The following RAB6A variants were observed in gnomAD, a reference collection of about 807,000 sequenced individuals.
RAB6A encodes the protein ras-related protein Rab-6A.
In RAB6A, 8 loss-of-function variants were observed where a neutral mutation model predicts 32.3. The ratio of observed to expected loss-of-function variants is 0.25; its 90% CI spans 0.15 to 0.45. RAB6A has a LOEUF of 0.45. Ranked by LOEUF, RAB6A falls within the 20% of genes least tolerant of loss-of-function variation. The pLI, the probability that RAB6A is intolerant of heterozygous loss-of-function variation, is 1.00. For missense variants in RAB6A, 104 were observed against 249.4 expected, an observed-to-expected ratio of 0.42 and a Z score of 3.93; for synonymous variants, 73 against 82.1, an observed-to-expected ratio of 0.89 and a Z score of 0.60.
At chr11:73,708,919 A>G (rs1399152881) in intron 5 of RAB6A, among the ~76,000 whole-genome samples, 5 of 152,230 alleles carry the variant, frequency 3.3e-5, no homozygotes, top group African/African-American at 1.2e-4. Context: ...TTATTATTCT[A>G]GAATTCTCCA....
chr11:73,742,275 C>G (rs1037345790), intron 1 of RAB6A, among the ~76,000 whole-genome samples: 1 of 151,880 alleles, frequency 6.6e-6, no homozygotes, highest in Non-Finnish European at 1.5e-5. Flanking sequence ...GAGCGAGACT[C>G]TGTCTCAAAA....
rs1945867453 is a variant in RAB6A at position 73,707,526 on chromosome 11, A to C, written c.402-13T>G. The C allele has an allele frequency of 2.5e-6, 4 of 1,569,108 alleles. No individual in the cohort carries two copies. The highest frequency in any genetic ancestry group is 3.5e-6 in the Non-Finnish European group (4 of 1,140,352). ...AATTGACACTTGCCTGTAAAGAAACAAACAAACTTCTTACTTTTGAGACAT... is the reference window on the plus strand; with the variant it reads ...AATTGACACTTGCCTGTAAAGAAACCAACAAACTTCTTACTTTTGAGACAT... On this transcript the variant is annotated splice_polypyrimidine_tract_variant and intron_variant, in intron 5 of 7. Coordinates refer to ENST00000336083, the MANE Select transcript of RAB6A (RefSeq NM_198896.2).
chr11:73,708,623 G>A (rs1945889287), intron 5 of RAB6A, among the ~76,000 whole-genome samples: 2 of 152,160 alleles, frequency 1.3e-5, no homozygotes, highest in South Asian at 4.1e-4. Context: ...GATCTCAAGT[G>A]CAAGATTATG....
intron 1 of RAB6A, among the ~76,000 whole-genome samples, chr11:73,748,930 G>A (rs1317029441): frequency 6.6e-6 from 1 of 151,980 alleles, no homozygotes; most frequent in Admixed American, 6.6e-5. Flanking sequence ...TTCAAGACCA[G>A]CCTGGCCAAT....
rs34665371 is a variant in RAB6A, at chr11:73,724,484, GT to G, written c.130-3586del. Among the ~76,000 whole-genome samples the G allele has an allele frequency of 1.6e-3, 193 of 123,340 alleles. 1 individual carries two copies. Among genetic ancestry groups the G allele is most frequent in the Middle Eastern group, 4.5e-3 (1 of 222 alleles). The allele number at this position is 123,340 out of a possible 152,430, so 80.9% of individuals were successfully genotyped here. The stretch of plus-strand genomic sequence containing the variant: ...GATCATGTTTTCCTAAATGCATTTC[GT>G]TTTTTTTTTTTTTTTTTTGAGACGG... On this transcript the variant is annotated intron_variant, in intron 2 of 7. Coordinates refer to ENST00000336083, the MANE Select transcript of RAB6A (RefSeq NM_198896.2).
chr11:73,722,058 T>TATATATATATA (rs1270436615), intron 2 of RAB6A, among the ~76,000 whole-genome samples: 8 of 147,750 alleles, frequency 5.4e-5, no homozygotes, highest in Middle Eastern at 3.5e-3. Flanking sequence ...TCTGCCATGA[T>TATATATATATA]TGTAAGTTTC....
intron 1 of RAB6A, among the ~76,000 whole-genome samples, chr11:73,748,820 T>C (rs1248652210): frequency 6.6e-6 from 1 of 152,136 alleles, no homozygotes; most frequent in Non-Finnish European, 1.5e-5. Flanking sequence ...CTACCAAAGC[T>C]AACTTTAAAA....
chr11:73,741,619 G>A (rs905008493), intron 1 of RAB6A, among the ~76,000 whole-genome samples: 1 of 151,912 alleles, frequency 6.6e-6, no homozygotes, highest in Non-Finnish European at 1.5e-5. Flanking sequence ...TCCTTCAGTA[G>A]GTGAATGGAT....
intron 1 of RAB6A, among the ~76,000 whole-genome samples, chr11:73,740,118 T>C (rs1946471480): frequency 1.3e-5 from 2 of 151,982 alleles, no homozygotes; most frequent in Admixed American, 1.3e-4. Flanking sequence ...ATAACTATGA[T>C]AAATTCTGAC....
chr11:73,731,008 C>T (rs1254154959), intron 1 of RAB6A, among the ~76,000 whole-genome samples, 185 bp from the exon 2 acceptor site: 1 of 152,206 alleles, frequency 6.6e-6, no homozygotes, highest in East Asian at 1.9e-4. Flanking sequence ...AGACAACCAT[C>T]TCCCAATTTA....
At chr11:73,759,965 T>G in intron 1 of RAB6A, 6 of 951,176 alleles carry the variant, frequency 6.3e-6, no homozygotes, top group Non-Finnish European at 8.8e-6. Flanking sequence ...TCGTCTCCAA[T>G]TCAGATGTTT....
chr11:73,733,271 A>C (rs1158249947), intron 1 of RAB6A, among the ~76,000 whole-genome samples: 1 of 152,142 alleles, frequency 6.6e-6, no homozygotes, highest in East Asian at 1.9e-4. Flanking sequence ...ATTTTAGGCC[A>C]GGCGCGGTGG....
At chr11:73,726,286 A>G (rs2134964030) in intron 2 of RAB6A, among the ~76,000 whole-genome samples, 1 of 144,742 alleles carries the variant, frequency 6.9e-6, no homozygotes, top group South Asian at 2.2e-4. Flanking sequence ...CTCCGTCTCA[A>G]AAAAAAAAAA....
chr11:73,742,888 A>G (rs1946520890), intron 1 of RAB6A, among the ~76,000 whole-genome samples: 1 of 152,178 alleles, frequency 6.6e-6, no homozygotes, highest in Non-Finnish European at 1.5e-5. Context: ...AATGCTAGGA[A>G]ATAAGGAGGT....
At chr11:73,699,114 A>G (rs1489965240) in intron 6 of RAB6A, among the ~76,000 whole-genome samples, 2 of 152,128 alleles carry the variant, frequency 1.3e-5, no homozygotes, top group Admixed American at 6.5e-5. Flanking sequence ...TGGCCTCCCA[A>G]GGTGCTGGGA....
chr11:73,726,700 A>G (rs1370017655), intron 2 of RAB6A, among the ~76,000 whole-genome samples: 2 of 150,944 alleles, frequency 1.3e-5, no homozygotes, highest in African/African-American at 4.9e-5. Flanking sequence ...CAGTGAGTCA[A>G]GATCACACCA....
rs946726366 is a variant in RAB6A, at chr11:73,676,628, C to T, written c.*1270G>A. ...CTGAAAGACCCAACCTTAAAAAATG[C>T]TAAAAAATAAGGCATAAATCTGCAT... On this transcript the variant is annotated 3_prime_UTR_variant, in exon 8 of 8. Transcript: ENST00000336083. 2 of 166,966 alleles carry T rather than the reference C, an allele frequency of 1.2e-5. No homozygotes were observed. Among genetic ancestry groups the T allele is most frequent in the Non-Finnish European group, 2.9e-5 (2 of 68,062 alleles). 10.3% of individuals were successfully genotyped at this position (166,966 alleles called of 1,614,324 possible). A position where few individuals can be genotyped will look rare whatever the true frequency, so the allele number is the denominator to read the frequency against.
chr11:73,709,982 G>A (rs1455064297), intron 5 of RAB6A, among the ~76,000 whole-genome samples: 75 of 137,816 alleles, frequency 5.4e-4, no homozygotes, highest in African/African-American at 1.8e-3. Context: ...TTTTTGAGAC[G>A]GAGTCTTGCT....
At chr11:73,743,748 T>A (rs956405918) in intron 1 of RAB6A, among the ~76,000 whole-genome samples, 3 of 152,198 alleles carry the variant, frequency 2.0e-5, no homozygotes, top group Non-Finnish European at 4.4e-5. Flanking sequence ...AAGCATACTA[T>A]GTACTTTAGA....
Sources: allele counts gnomAD v4.1 joint callset (sites outside exome capture counted in the v4.1 genomes callset), GRCh38; gene constraint gnomAD v4.1.1; transcripts MANE v1.5; gene names NCBI Gene and HGNC (gene_info 2026-07-23, HGNC 2026-07-21).